Variants in FER observed in about 807,000 individuals in gnomAD.
FER encodes the protein tyrosine-protein kinase Fer.
In FER, 63 loss-of-function variants were observed where a neutral mutation model predicts 111.0. The ratio of observed to expected loss-of-function variants is 0.57; its 90% CI spans 0.46 to 0.70. FER has a LOEUF of 0.70. Ranked by LOEUF, FER falls within the 30% of genes least tolerant of loss-of-function variation. FER has a pLI of 0.00. For missense variants in FER, 914 were observed against 954.0 expected (o/e 0.96, Z 0.55); for synonymous variants, 327 against 313.9 (o/e 1.04, Z -0.44).
chr5:108,924,358 C>T, intron 10 of FER, among the ~76,000 whole-genome samples: 1 of 94,052 alleles, frequency 1.1e-5, no homozygotes, highest in African/African-American at 5.1e-5. Flanking sequence ...GAAACTCTGT[C>T]TCAAAAAAAA....
At chr5:108,871,538 C>T in intron 7 of FER, 36 bp downstream of exon 7, 1 of 1,499,104 alleles carries the variant, frequency 6.7e-7, no homozygotes. Flanking sequence ...GGATTTATGA[C>T]AGTATTATTT....
intron 13 of FER, among the ~76,000 whole-genome samples, chr5:108,979,656 T>C (rs913781727): frequency 6.6e-6 from 1 of 152,196 alleles, no homozygotes; most frequent in Admixed American, 6.5e-5. Flanking sequence ...TATAATACAA[T>C]AGAAGTTTCT....
intron 3 of FER, among the ~76,000 whole-genome samples, chr5:108,802,323 A>C (rs1052094280): frequency 6.6e-6 from 1 of 152,170 alleles, no homozygotes; most frequent in African/African-American, 2.4e-5. Flanking sequence ...TCTTTCAATA[A>C]ATAAAAATGA....
At chr5:108,845,211 G>A (rs756414808) in intron 5 of FER, among the ~76,000 whole-genome samples, 11 of 149,164 alleles carry the variant, frequency 7.4e-5, no homozygotes, top group African/African-American at 2.0e-4. Flanking sequence ...TTGCTCTGTC[G>A]CCCAGGCTGG....
At chr5:109,029,244 C>A (rs1439918664) in intron 13 of FER, among the ~76,000 whole-genome samples, 2 of 131,552 alleles carry the variant, frequency 1.5e-5, no homozygotes, top group Non-Finnish European at 3.3e-5. Context: ...TTTCTTCTTA[C>A]CTTTTTTTTT....
At chr5:109,163,734 C>T (rs888239400) in intron 17 of FER, among the ~76,000 whole-genome samples, 1 of 152,084 alleles carries the variant, frequency 6.6e-6, no homozygotes, top group African/African-American at 2.4e-5. Flanking sequence ...TGAGCTACTG[C>T]ACCCGGCCTA....
At chr5:109,186,145 G>T in intron 18 of FER, 55 bp from the exon 19 acceptor site, 10 of 1,613,114 alleles carry the variant, frequency 6.2e-6, no homozygotes, top group Non-Finnish European at 8.5e-6. Context: ...ACCAGGAAGG[G>T]TCACCTACTT....
chr5:108,766,354 T>C, intron 1 of FER, among the ~76,000 whole-genome samples: 1 of 152,290 alleles, frequency 6.6e-6, no homozygotes, highest in Non-Finnish European at 1.5e-5. Context: ...TAATTCATTT[T>C]GGAATTTCAT....
At chr5:108,858,543 C>A (rs544611782) in intron 5 of FER, among the ~76,000 whole-genome samples, 1 of 151,672 alleles carries the variant, frequency 6.6e-6, no homozygotes, top group Non-Finnish European at 1.5e-5. Flanking sequence ...TTTATTTTCC[C>A]CCCTCCCTCT....
rs1312839784 is a variant in FER at position 109,188,285 on chromosome 5, G to A, written c.*710G>A. 2 of 145,354 alleles carry A rather than the reference G, an allele frequency of 1.4e-5. No homozygotes were observed. The highest frequency in any genetic ancestry group is 2.5e-5 in the African/African-American group (1 of 40,120). 9.0% of individuals were successfully genotyped at this position (145,354 alleles called of 1,614,324 possible). ...CCTGGGATTACAGGCGTGAGCCACAGTGCCCAGCCCCCTCCCTCCTTTGGG... is the reference window on the plus strand; with the variant it reads ...CCTGGGATTACAGGCGTGAGCCACAATGCCCAGCCCCCTCCCTCCTTTGGG... On this transcript the variant is annotated 3_prime_UTR_variant, in exon 20 of 20. Coordinates refer to ENST00000281092, the MANE Select transcript of FER (RefSeq NM_005246.4).
intron 1 of FER, among the ~76,000 whole-genome samples, chr5:108,761,174 C>T (rs186516632): frequency 4.1e-4 from 63 of 152,292 alleles, no homozygotes; most frequent in Middle Eastern, 6.8e-3. Context: ...GTGGTCCCCC[C>T]ACCTCGGCCT....
chr5:109,121,058 T>A (rs560895626), intron 17 of FER, among the ~76,000 whole-genome samples: 39 of 152,206 alleles, frequency 2.6e-4, no homozygotes, highest in African/African-American at 8.4e-4. Context: ...AATTTGACTT[T>A]TTCTTTTCCA....
chr5:108,930,790 T>G (rs1754555274), intron 10 of FER, among the ~76,000 whole-genome samples: 1 of 150,760 alleles, frequency 6.6e-6, no homozygotes, highest in African/African-American at 2.4e-5. Flanking sequence ...ATTTTTGTAT[T>G]TTTAGTAGAG....
At chr5:109,013,250 C>A (rs1766553602) in intron 13 of FER, among the ~76,000 whole-genome samples, 1 of 111,554 alleles carries the variant, frequency 9.0e-6, no homozygotes, top group Non-Finnish European at 1.7e-5. Context: ...CCACAACAGT[C>A]CCCGAAGTGT....
At chr5:108,818,960 T>C (rs1377524372) in intron 3 of FER, among the ~76,000 whole-genome samples, 1 of 152,194 alleles carries the variant, frequency 6.6e-6, no homozygotes, top group African/African-American at 2.4e-5. Flanking sequence ...AATTAAAGAT[T>C]ACTATGTAAT....
intron 13 of FER, among the ~76,000 whole-genome samples, chr5:109,026,374 A>G (rs1768740983): frequency 6.6e-6 from 1 of 152,212 alleles, no homozygotes. Context: ...CTCGGTTACT[A>G]AAAGCTTCTC....
At chr5:108,825,653 A>G (rs1759387422) in intron 3 of FER, among the ~76,000 whole-genome samples, 1 of 152,248 alleles carries the variant, frequency 6.6e-6, no homozygotes, top group Non-Finnish European at 1.5e-5. Flanking sequence ...AGACAGGCAT[A>G]GGAAATCACA....
intron 14 of FER, among the ~76,000 whole-genome samples, chr5:109,037,826 C>T (rs2149882655): frequency 6.6e-6 from 1 of 151,900 alleles, no homozygotes; most frequent in South Asian, 2.1e-4. Context: ...AAATAAATAC[C>T]TAATAGTCTT....
At chr5:108,824,850 G>A (rs924472548) in intron 3 of FER, among the ~76,000 whole-genome samples, 1 of 151,942 alleles carries the variant, frequency 6.6e-6, no homozygotes, top group East Asian at 1.9e-4. Context: ...CCTAAGCGTC[G>A]GCTGGCTTGA....
Sources: allele counts gnomAD v4.1 joint callset (sites outside exome capture counted in the v4.1 genomes callset), GRCh38; gene constraint gnomAD v4.1.1; transcripts MANE v1.5; gene names NCBI Gene and HGNC (gene_info 2026-07-23, HGNC 2026-07-21).